Variants in ZNF251 observed in about 807,000 individuals in gnomAD.
ZNF251 encodes zinc finger protein 251.
Under a neutral mutation model 13.5 loss-of-function variants are expected in ZNF251, and 14 were observed. The ratio of observed to expected loss-of-function variants is 1.04; its 90% confidence interval spans 0.69 to 1.63. ZNF251 has a LOEUF of 1.63. ZNF251 is among the 40% of genes most tolerant of loss of function. ZNF251 has a pLI of 0.00. For synonymous variants in ZNF251, 287 were observed against 295.2 expected (o/e 0.97, Z 0.28); for missense variants, 764 against 834.9 (o/e 0.92, Z 1.05).
At chr8:144,732,543 T>A (rs77237770) in intron 4 of ZNF251, among the ~76,000 whole-genome samples, 4 of 152,052 alleles carry the variant, frequency 2.6e-5, no homozygotes, top group South Asian at 4.2e-4. Flanking sequence ...CCGGGCGCGG[T>A]GGCTCACGCC....
chr8:144,742,510 G>A (rs920413771), intron 4 of ZNF251, among the ~76,000 whole-genome samples: 1 of 142,104 alleles, frequency 7.0e-6, no homozygotes, highest in African/African-American at 2.7e-5. Flanking sequence ...TCCCGCAACA[G>A]TGATAACAGC....
intron 4 of ZNF251, among the ~76,000 whole-genome samples, chr8:144,729,571 C>T (rs1823632170): frequency 2.6e-5 from 4 of 152,186 alleles, no homozygotes; most frequent in South Asian, 4.2e-4. Flanking sequence ...CTCCTGACCT[C>T]GCCATCCACC....
intron 4 of ZNF251, among the ~76,000 whole-genome samples, chr8:144,735,585 A>C (rs1823859572): frequency 6.6e-6 from 1 of 151,946 alleles, no homozygotes; most frequent in Non-Finnish European, 1.5e-5. Context: ...CAAATCAGAA[A>C]AAGCACTGAC....
chr8:144,727,854 C>T (rs965836638), intron 4 of ZNF251, among the ~76,000 whole-genome samples: 8 of 152,100 alleles, frequency 5.3e-5, no homozygotes, highest in Non-Finnish European at 8.8e-5. Flanking sequence ...ACTCTGTCAC[C>T]CAGGCTGGAG....
At chr8:144,732,542 G>A (rs374602067) in intron 4 of ZNF251, among the ~76,000 whole-genome samples, 20 of 152,206 alleles carry the variant, frequency 1.3e-4, no homozygotes, top group East Asian at 7.7e-4. Context: ...GCCGGGCGCG[G>A]TGGCTCACGC....
Position 144,754,994 on chromosome 8 carries a change from G to GA in ZNF251, c.-75-192dup, listed in dbSNP as rs1824891001. The GA allele has an allele frequency of 2.9e-6, 4 of 1,395,164 alleles. No homozygotes were observed. The East Asian group carries it at 1.1e-4, about 38-fold the overall frequency. 86.4% of individuals were successfully genotyped at this position (1,395,164 alleles called of 1,614,324 possible). A position where few individuals can be genotyped will look rare whatever the true frequency, so the allele number is the denominator to read the frequency against. Reference sequence around the variant, plus strand: ...AACGGCCAGAGCCAGAGCCCGGGGGGATCCAGGGACGCCCGGCTAAGGGGT... The same window carrying GA: ...AACGGCCAGAGCCAGAGCCCGGGGGGAATCCAGGGACGCCCGGCTAAGGGGT... On this transcript the variant is annotated intron_variant, in intron 1 of 4. Transcript: ENST00000292562.
intron 4 of ZNF251, among the ~76,000 whole-genome samples, chr8:144,743,433 T>C (rs1031703630): frequency 2.0e-5 from 3 of 152,216 alleles, no homozygotes; most frequent in Non-Finnish European, 4.4e-5. Flanking sequence ...TACCCGCTTA[T>C]CTACTGAGGA....
chr8:144,746,197 T>C (rs1824421765), intron 4 of ZNF251, among the ~76,000 whole-genome samples: 1 of 152,220 alleles, frequency 6.6e-6, no homozygotes, highest in Admixed American at 6.5e-5. Flanking sequence ...TAATCATGAA[T>C]CGAGGTTGGA....
At chr8:144,751,054 G>GGC (rs1824671077) in intron 4 of ZNF251, among the ~76,000 whole-genome samples, 1 of 151,878 alleles carries the variant, frequency 6.6e-6, no homozygotes, top group Non-Finnish European at 1.5e-5. Context: ...TCACCATGTT[G>GGC]GCCAGGCTGG....
intron 1 of ZNF251, 97 bp from the exon 2 acceptor site, chr8:144,754,900 C>A: frequency 6.9e-7 from 1 of 1,442,602 alleles, no homozygotes; most frequent in South Asian, 1.5e-5. Context: ...CCTCCTGGGT[C>A]GCGGGAGGCA....
intron 4 of ZNF251, among the ~76,000 whole-genome samples, chr8:144,746,725 GA>G (rs2130060503): frequency 6.6e-6 from 1 of 151,920 alleles, no homozygotes; most frequent in African/African-American, 2.4e-5. Context: ...GTACTTCAAG[GA>G]ATTGGTTCAT....
intron 4 of ZNF251, among the ~76,000 whole-genome samples, chr8:144,742,072 A>G (rs1472202690): frequency 6.6e-6 from 1 of 152,140 alleles, no homozygotes; most frequent in African/African-American, 2.4e-5. Flanking sequence ...AACCGAAACG[A>G]CAGGCAGCTC....
intron 4 of ZNF251, among the ~76,000 whole-genome samples, chr8:144,733,815 C>T (rs1416701699): frequency 6.6e-6 from 1 of 152,046 alleles, no homozygotes; most frequent in African/African-American, 2.4e-5. Context: ...AAGAGGTTTT[C>T]TCAAGAGAAA....
chr8:144,744,994 T>C (rs1824350514), intron 4 of ZNF251, among the ~76,000 whole-genome samples: 1 of 152,076 alleles, frequency 6.6e-6, no homozygotes, highest in Admixed American at 6.6e-5. Flanking sequence ...AGGTGGAGGT[T>C]GCAGTGAGCA....
chr8:144,743,547 G>A lies in ZNF251; in HGVS notation c.277+10136C>T, dbSNP rs531042503. On this transcript the variant is annotated intron_variant, in intron 4 of 4. Transcript: ENST00000292562. ...ATATCTGTGTGCAGGATTTTGTGTG[G>A]ACATAAATTTTCAATTCATTTGGGT... Among the ~76,000 whole-genome samples, 254 of 152,318 alleles carry A rather than the reference G, an allele frequency of 1.7e-3. 2 individuals are homozygous for A. Among genetic ancestry groups the A allele is most frequent in the African/African-American group, 5.3e-3 (219 of 41,564 alleles).
chr8:144,739,456 G>A (rs939209531), intron 4 of ZNF251, among the ~76,000 whole-genome samples: 1 of 152,142 alleles, frequency 6.6e-6, no homozygotes, highest in Non-Finnish European at 1.5e-5. Context: ...GTCCAACTAT[G>A]GACTTGCAAC....
intron 4 of ZNF251, among the ~76,000 whole-genome samples, chr8:144,736,331 A>C (rs1230687093): frequency 6.6e-6 from 1 of 152,184 alleles, no homozygotes; most frequent in Non-Finnish European, 1.5e-5. Flanking sequence ...AATTGGGACA[A>C]GAAAAACTTT....
intron 4 of ZNF251, among the ~76,000 whole-genome samples, chr8:144,739,455 T>A (rs1824058376): frequency 6.6e-6 from 1 of 152,210 alleles, no homozygotes; most frequent in African/African-American, 2.4e-5. Flanking sequence ...TGTCCAACTA[T>A]GGACTTGCAA....
Position 144,723,065 on chromosome 8 carries a change from G to A in ZNF251, c.595C>T (p.Leu199Phe). 1 of 1,614,030 alleles carries A rather than the reference G, an allele frequency of 6.2e-7. No homozygotes were observed. Among genetic ancestry groups the A allele is most frequent in the Non-Finnish European group, 8.5e-7 (1 of 1,179,896 alleles). ...NLNLDQNVVR[L>F]QRNKTGERVF... ...CTCTCTCCTGTTTTATTTCTTTGAA[G>A]TCTAACAACATTTTGGTCCAGATTC... Residue 199 changes from leucine to phenylalanine, a missense_variant, in exon 5 of 5, where the codon CTT becomes TTT. Coordinates refer to ENST00000292562, the MANE Select transcript of ZNF251 (RefSeq NM_138367.2).
Sources: allele counts gnomAD v4.1 joint callset (sites outside exome capture counted in the v4.1 genomes callset), GRCh38; gene constraint gnomAD v4.1.1; transcripts MANE v1.5; gene names NCBI Gene and HGNC (gene_info 2026-07-23, HGNC 2026-07-21).